The following AGK variants were observed in gnomAD, a reference collection of about 807,000 sequenced individuals.
The protein encoded by AGK is acylglycerol kinase, also known as acylglycerol kinase, mitochondrial.
In AGK, 52 loss-of-function variants were observed where a neutral mutation model predicts 66.4. That is an observed-to-expected ratio of 0.78 (90% CI 0.63 to 0.99). AGK has a LOEUF of 0.99. Ranked by LOEUF, AGK falls within the 50% of genes least tolerant of loss-of-function variation. The pLI is 0.00. For missense variants in AGK, 451 were observed against 506.6 expected (o/e 0.89, Z 1.05); for synonymous variants, 182 against 181.1 (o/e 1.00, Z -0.04).
rs185752737 is a variant in AGK, at chr7:141,602,369, A to C, written c.297+1089A>C. On this transcript the variant is annotated intron_variant, in intron 5 of 15. Transcript: ENST00000649286. ...TTTTTTAAATTTTTAATGTACATTA[A>C]ATTTCTTTAACAGTTCTAGAAGTAC... Among the ~76,000 whole-genome samples the C allele has an allele frequency of 8.5e-5, 13 of 152,146 alleles. No homozygotes were observed. In the East Asian group the frequency reaches 2.1e-3, roughly 25 times the overall value.
intron 2 of AGK, among the ~76,000 whole-genome samples, chr7:141,571,582 G>A (rs1258344395): frequency 1.3e-5 from 2 of 152,130 alleles, no homozygotes; most frequent in African/African-American, 4.8e-5. Flanking sequence ...TGTTTTTGGT[G>A]ATACTAAGAT....
intron 2 of AGK, among the ~76,000 whole-genome samples, chr7:141,586,169 C>T (rs1029179250): frequency 2.0e-5 from 3 of 152,158 alleles, no homozygotes; most frequent in Admixed American, 6.5e-5. Flanking sequence ...CCCGCTTAGC[C>T]TCTTTAGAGG....
chr7:141,623,631 C>A (rs1796873988), intron 9 of AGK, among the ~76,000 whole-genome samples: 1 of 152,176 alleles, frequency 6.6e-6, no homozygotes, highest in Non-Finnish European at 1.5e-5. Context: ...AGGAAAGAAG[C>A]CCTCCTCCTA....
In AGK at chr7:141,602,274, TC is replaced by T. The variant is rs543873373; in HGVS notation, c.297+1001del. 9.9e-5 allele frequency among the ~76,000 whole-genome samples: 15 copies of T among 151,072 alleles called. No homozygotes were observed. In the East Asian group the frequency reaches 2.4e-3, roughly 24 times the overall value. On this transcript the variant is annotated intron_variant, in intron 5 of 15. Coordinates refer to ENST00000649286, the MANE Select transcript of AGK (RefSeq NM_018238.4). ...GTCTTGAACTCCTGGACTCAAGTGA[TC>T]CCCCCCACCTTGGCTTCCCAAAGTA...
intron 2 of AGK, among the ~76,000 whole-genome samples, chr7:141,575,718 C>G (rs1795722709): frequency 8.3e-6 from 1 of 120,718 alleles, no homozygotes; most frequent in East Asian, 2.7e-4. Context: ...CAAACTTTCA[C>G]AGAAAATAAA....
chr7:141,583,890 C>T (rs1025103043), intron 2 of AGK, among the ~76,000 whole-genome samples: 10 of 151,948 alleles, frequency 6.6e-5, no homozygotes, highest in Non-Finnish European at 1.0e-4. Context: ...AAAAAGAGGC[C>T]GCTTACCTGA....
rs909600599 is a variant in AGK at position 141,576,606 on chromosome 7, A to G, written c.102-16540A>G. On this transcript the variant is annotated intron_variant, in intron 2 of 15. Coordinates refer to ENST00000649286, the MANE Select transcript of AGK (RefSeq NM_018238.4). ...TACTAGATACTAGATACTGGATACT[A>G]GATACTGATACTAGAGACAAGGGGG... Among the ~76,000 whole-genome samples the G allele has an allele frequency of 7.3e-5, 11 of 150,086 alleles. 1 individual carries two copies. The Admixed American group carries it at 7.4e-4, about 10-fold the overall frequency.
intron 11 of AGK, among the ~76,000 whole-genome samples, chr7:141,637,670 T>C (rs889647622): frequency 6.6e-6 from 1 of 152,162 alleles, no homozygotes; most frequent in Non-Finnish European, 1.5e-5. Flanking sequence ...AAGTGGTATA[T>C]TGATAGTTTG....
rs148391468 is a variant in AGK, at chr7:141,626,192, C to T, written c.588+4391C>T. 6.8e-4 allele frequency among the ~76,000 whole-genome samples: 104 copies of T among 152,238 alleles called. 1 individual carries two copies. Among genetic ancestry groups the T allele is most frequent in the African/African-American group, 2.3e-3 (95 of 41,542 alleles). On this transcript the variant is annotated intron_variant, in intron 9 of 15. Transcript: ENST00000649286. Reference sequence around the variant, plus strand: ...GAGATATCACAAAAGATGTAGCCTGCAGGTGTCCTACTCGCCAATTTGGGA... The same window carrying T: ...GAGATATCACAAAAGATGTAGCCTGTAGGTGTCCTACTCGCCAATTTGGGA...
chr7:141,558,837 A>T (rs1795275481), intron 2 of AGK, among the ~76,000 whole-genome samples: 1 of 152,014 alleles, frequency 6.6e-6, no homozygotes, highest in African/African-American at 2.4e-5. Flanking sequence ...GTGTGAGGTG[A>T]TATGTCATTG....
intron 3 of AGK, among the ~76,000 whole-genome samples, chr7:141,595,768 G>T (rs925012216): frequency 6.6e-6 from 1 of 151,962 alleles, no homozygotes; most frequent in African/African-American, 2.4e-5. Context: ...TTCTCATTTG[G>T]ACTCCTCACA....
chr7:141,583,766 T>C (rs915945596), intron 2 of AGK, among the ~76,000 whole-genome samples: 2 of 151,940 alleles, frequency 1.3e-5, no homozygotes, highest in Admixed American at 1.3e-4. Context: ...CTCCTTTGTT[T>C]CTACCAGAAA....
chr7:141,633,707 C>A (rs991530445), intron 9 of AGK, among the ~76,000 whole-genome samples, 194 bp from the exon 10 acceptor site: 2 of 152,162 alleles, frequency 1.3e-5, no homozygotes, highest in Admixed American at 6.5e-5. Flanking sequence ...TAAAAATTAC[C>A]TTCATATTAC....
At chr7:141,619,765 T>C (rs1421410724) in intron 8 of AGK, among the ~76,000 whole-genome samples, 1 of 152,112 alleles carries the variant, frequency 6.6e-6, no homozygotes, top group Non-Finnish European at 1.5e-5. Context: ...GTAGCCACTT[T>C]AGAAAATGGT....
At chr7:141,603,139 A>C (rs1257314259) in intron 5 of AGK, among the ~76,000 whole-genome samples, 1 of 152,278 alleles carries the variant, frequency 6.6e-6, no homozygotes, top group African/African-American at 2.4e-5. Flanking sequence ...TATGTTCATT[A>C]AGTCAAGTCT....
At chr7:141,616,982 C>A (rs1796720022) in intron 8 of AGK, among the ~76,000 whole-genome samples, 1 of 152,018 alleles carries the variant, frequency 6.6e-6, no homozygotes, top group Admixed American at 6.5e-5. Flanking sequence ...TGGTCTCGAT[C>A]TCCTGACCTC....
At position 141,641,372 on chromosome 7, in the gene AGK, C is replaced by T. The variant is rs863223892; in HGVS notation, c.851C>T (p.Ala284Val). The change falls in exon 12 of 16, where the codon GCG (alanine) becomes GTG (valine). Residue 284 changes from alanine to valine, a missense_variant. Ala to Val is a moderately conservative substitution (Grantham distance 64). Coordinates refer to ENST00000649286, the MANE Select transcript of AGK (RefSeq NM_018238.4). Reference sequence around the variant, plus strand: ...TACAGGAGAATATTACGAAGGCTTGCGTCCTACTGGGCACAACCACAGGAT... The same window carrying T: ...TACAGGAGAATATTACGAAGGCTTGTGTCCTACTGGGCACAACCACAGGAT... The part of the protein sequence containing the change: ...SLYRRILRRL[A>V]SYWAQPQDAL... 3.7e-6 allele frequency: 6 copies of T among 1,613,056 alleles called. No individual in the cohort carries two copies. Among genetic ancestry groups the T allele is most frequent in the South Asian group, 2.2e-5 (2 of 90,828 alleles).
intron 9 of AGK, among the ~76,000 whole-genome samples, chr7:141,624,180 ACATT>A (rs542375052): frequency 7.2e-5 from 11 of 152,150 alleles, no homozygotes; most frequent in Non-Finnish European, 1.3e-4. Context: ...TTGCTAACAG[ACATT>A]CATCCTGCAT....
At chr7:141,603,476 C>T (rs1284780749) in intron 5 of AGK, among the ~76,000 whole-genome samples, 6 of 151,984 alleles carry the variant, frequency 3.9e-5, no homozygotes, top group African/African-American at 1.2e-4. Flanking sequence ...TAGTTTTTGC[C>T]TGGTATCATT....
Sources: allele counts gnomAD v4.1 joint callset (sites outside exome capture counted in the v4.1 genomes callset), GRCh38; gene constraint gnomAD v4.1.1; transcripts MANE v1.5; gene names NCBI Gene and HGNC (gene_info 2026-07-23, HGNC 2026-07-21).